Variants in CDYL observed in about 807,000 individuals in gnomAD.
CDYL encodes chromodomain Y like.
Under a neutral mutation model 47.3 loss-of-function variants are expected in CDYL, and 8 were observed. The ratio of observed to expected loss-of-function variants is 0.17; its 90% CI spans 0.10 to 0.31. The LOEUF is 0.31. CDYL is among the 10% of genes least tolerant of loss of function. CDYL has a pLI of 1.00. For missense variants in CDYL, 471 were observed against 701.4 expected, an observed-to-expected ratio of 0.67 and a Z score of 3.71; for synonymous variants, 266 against 265.0, an observed-to-expected ratio of 1.00 and a Z score of -0.04.
intron 2 of CDYL, among the ~76,000 whole-genome samples, chr6:4,921,962 T>G (rs1246782436): frequency 6.6e-6 from 1 of 152,184 alleles, no homozygotes; most frequent in Non-Finnish European, 1.5e-5. Flanking sequence ...CCACTCATTT[T>G]TCCACCACTT....
Position 4,953,972 on chromosome 6 carries a change from T to C in CDYL, c.1551T>C (p.Cys517=). The change falls in exon 7 of 7, where the codon TGT becomes TGC. Residue 517 remains cysteine (C), a synonymous_variant. Coordinates refer to ENST00000397588, the MANE Select transcript of CDYL (RefSeq NM_004824.4). ...TGGAGCAGGCCAACGAGAGGGAGTG[T>C]GAGGTGCTGAAGAAAATCTGGGGCT... ...MELEQANERE[C]EVLKKIWGSA... 1 of 1,613,754 alleles carries C rather than the reference T, an allele frequency of 6.2e-7. No individual in the cohort carries two copies. The highest frequency in any genetic ancestry group is 1.1e-5 in the South Asian group (1 of 91,004).
At position 4,919,489 on chromosome 6, in the gene CDYL, A is replaced by G. The variant is rs142594227; in HGVS notation, c.692-16026A>G. 2.1e-3 allele frequency among the ~76,000 whole-genome samples: 321 copies of G among 152,350 alleles called. 1 individual carries two copies. Among genetic ancestry groups the G allele is most frequent in the African/African-American group, 7.3e-3 (304 of 41,578 alleles). On this transcript the variant is annotated intron_variant, in intron 2 of 6. Coordinates refer to ENST00000397588, the MANE Select transcript of CDYL (RefSeq NM_004824.4). The stretch of plus-strand genomic sequence containing the variant: ...TGTCAGATTTTGGAATATTTGCATT[A>G]TACTTACCAGTTGAGCATCTCAAAT...
At chr6:4,853,162 A>G (rs530687088) in intron 1 of CDYL, among the ~76,000 whole-genome samples, 8 of 152,288 alleles carry the variant, frequency 5.3e-5, no homozygotes, top group Non-Finnish European at 7.4e-5. Flanking sequence ...AAGGTAGCCA[A>G]GGCTCACCTT....
At chr6:4,874,948 G>A (rs557741626) in intron 1 of CDYL, among the ~76,000 whole-genome samples, 37 of 152,166 alleles carry the variant, frequency 2.4e-4, no homozygotes, top group Non-Finnish European at 3.1e-4. Flanking sequence ...TGCTCTCAGT[G>A]GGTACCTGGG....
chr6:4,736,421 A>C (rs189773145), intron 3 of CDYL, among the ~76,000 whole-genome samples: 5 of 152,324 alleles, frequency 3.3e-5, no homozygotes, highest in Admixed American at 3.3e-4. Context: ...TAAGGATGGA[A>C]TATTTTTCCC....
intron 3 of CDYL, among the ~76,000 whole-genome samples, chr6:4,735,155 G>A (rs936115016): frequency 6.6e-6 from 1 of 151,956 alleles, no homozygotes; most frequent in African/African-American, 2.4e-5. Context: ...GCGTGGTGGC[G>A]CATGCCTGTA....
At chr6:4,916,071 A>G (rs1757548784) in intron 2 of CDYL, among the ~76,000 whole-genome samples, 1 of 151,956 alleles carries the variant, frequency 6.6e-6, no homozygotes, top group African/African-American at 2.4e-5. Flanking sequence ...CCTTACATGT[A>G]TTGATTTATG....
chr6:4,749,943 A>G (rs1757962165), intron 3 of CDYL, among the ~76,000 whole-genome samples: 2 of 152,198 alleles, frequency 1.3e-5, no homozygotes, highest in Admixed American at 6.5e-5. Flanking sequence ...CAGATTTCCC[A>G]TGTACTGAGG....
chr6:4,899,233 A>G (rs1756935959), intron 2 of CDYL, among the ~76,000 whole-genome samples: 1 of 152,244 alleles, frequency 6.6e-6, no homozygotes, highest in African/African-American at 2.4e-5. Flanking sequence ...TGTAAGAGGA[A>G]GGAGAGCGTT....
chr6:4,708,719 CACT>C (rs1256808465), intron 1 of CDYL, among the ~76,000 whole-genome samples: 3 of 152,236 alleles, frequency 2.0e-5, no homozygotes, highest in African/African-American at 7.2e-5. Context: ...ATATAACCAC[CACT>C]AAGGTCAAGA....
intron 1 of CDYL, among the ~76,000 whole-genome samples, chr6:4,881,088 G>T (rs1396058063): frequency 1.3e-5 from 2 of 151,938 alleles, no homozygotes; most frequent in Non-Finnish European, 2.9e-5. Context: ...CTTGGGTTCT[G>T]TGTGTGTGTG....
intron 1 of CDYL, among the ~76,000 whole-genome samples, chr6:4,840,875 TG>T (rs1213697762): frequency 5.3e-5 from 8 of 152,124 alleles, no homozygotes; most frequent in East Asian, 1.9e-4. Context: ...TTTTTTGTTT[TG>T]TTTTTTTGTT....
At chr6:4,855,629 G>C (rs2127465790) in intron 1 of CDYL, among the ~76,000 whole-genome samples, 1 of 152,292 alleles carries the variant, frequency 6.6e-6, no homozygotes. Flanking sequence ...AAAGTTATTT[G>C]TGGATCTTTT....
At chr6:4,864,105 T>C (rs890638712) in intron 1 of CDYL, among the ~76,000 whole-genome samples, 2 of 152,280 alleles carry the variant, frequency 1.3e-5, no homozygotes, top group South Asian at 2.1e-4. Context: ...AGTATGAAGA[T>C]GGAGCTGAGA....
chr6:4,756,628 T>C (rs1336546283), intron 3 of CDYL, among the ~76,000 whole-genome samples: 5 of 144,058 alleles, frequency 3.5e-5, no homozygotes, highest in Non-Finnish European at 7.4e-5. Flanking sequence ...CTTGCCTCCT[T>C]GGTCAGATTT....
At chr6:4,945,717 C>G (rs571328413) in intron 5 of CDYL, among the ~76,000 whole-genome samples, 1 of 152,248 alleles carries the variant, frequency 6.6e-6, no homozygotes, top group Non-Finnish European at 1.5e-5. Context: ...ATCATGGAGC[C>G]ACCTCCAAAC....
At chr6:4,896,965 A>C (rs1762301650) in intron 2 of CDYL, among the ~76,000 whole-genome samples, 1 of 152,144 alleles carries the variant, frequency 6.6e-6, no homozygotes, top group Admixed American at 6.5e-5. Context: ...TTGCTTTTTA[A>C]TTATTTTAAG....
intron 3 of CDYL, among the ~76,000 whole-genome samples, chr6:4,755,868 A>G (rs1758066346): frequency 6.6e-6 from 1 of 152,172 alleles, no homozygotes; most frequent in African/African-American, 2.4e-5. Flanking sequence ...CCCAAAAATT[A>G]TATCTAAAAT....
At chr6:4,849,291 C>T (rs1187054375) in intron 1 of CDYL, among the ~76,000 whole-genome samples, 1 of 152,114 alleles carries the variant, frequency 6.6e-6, no homozygotes, top group Non-Finnish European at 1.5e-5. Context: ...GGTGTTGGAG[C>T]CTGTTAAAAA....
Sources: allele counts gnomAD v4.1 joint callset (sites outside exome capture counted in the v4.1 genomes callset), GRCh38; gene constraint gnomAD v4.1.1; transcripts MANE v1.5; gene names NCBI Gene and HGNC (gene_info 2026-07-23, HGNC 2026-07-21).